The following CMTM7 variants were observed in gnomAD, a reference collection of about 807,000 sequenced individuals.
CMTM7 encodes CKLF-like MARVEL transmembrane domain-containing protein 7.
In CMTM7, 7 loss-of-function variants were observed where a neutral mutation model predicts 19.3. The ratio of observed to expected loss-of-function variants is 0.36; its 90% CI spans 0.21 to 0.68. The LOEUF is 0.68. Among genes scored for constraint, CMTM7 ranks in the 30% least tolerant of loss-of-function variants. The pLI is 0.60. For synonymous variants in CMTM7, 87 were observed against 99.3 expected (o/e 0.88, Z 0.74); for missense variants, 193 against 232.6 (o/e 0.83, Z 1.11).
intron 1 of CMTM7, among the ~76,000 whole-genome samples, chr3:32,415,234 C>T (rs372456342): frequency 8.0e-4 from 122 of 152,118 alleles, no homozygotes; most frequent in African/African-American, 2.6e-3. Flanking sequence ...GGCTGAGGGG[C>T]CCAGGGACCT....
intron 1 of CMTM7, among the ~76,000 whole-genome samples, chr3:32,424,044 A>G (rs1696385732): frequency 6.6e-6 from 1 of 152,208 alleles, no homozygotes; most frequent in African/African-American, 2.4e-5. Context: ...ACTTATTCTT[A>G]CAAATTCTGC....
intron 1 of CMTM7, among the ~76,000 whole-genome samples, chr3:32,437,873 G>A (rs780512825): frequency 3.0e-4 from 45 of 152,108 alleles, no homozygotes; most frequent in Non-Finnish European, 5.7e-4. Context: ...CCTAGCGACA[G>A]AGTGAGACTC....
intron 1 of CMTM7, among the ~76,000 whole-genome samples, chr3:32,425,278 CT>C (rs1696413474): frequency 6.6e-6 from 1 of 152,082 alleles, no homozygotes; most frequent in African/African-American, 2.4e-5. Flanking sequence ...ATAAAAAAAG[CT>C]TATGTCTCAG....
chr3:32,395,325 A>ATT (rs139737905), intron 1 of CMTM7, among the ~76,000 whole-genome samples: 2 of 150,672 alleles, frequency 1.3e-5, no homozygotes, highest in South Asian at 4.2e-4. Flanking sequence ...TTTAATAGCT[A>ATT]TTTTTTTTTA....
chr3:32,441,828 T>C lies in CMTM7; in HGVS notation c.160-12T>C. The C allele has an allele frequency of 6.2e-7, 1 of 1,613,304 alleles. No individual in the cohort carries two copies. Among genetic ancestry groups the C allele is most frequent in the Non-Finnish European group, 8.5e-7 (1 of 1,179,486 alleles). On this transcript the variant is annotated splice_polypyrimidine_tract_variant and intron_variant, in intron 1 of 4. Transcript: ENST00000334983. Reference sequence around the variant, plus strand: ...GGCAAGCATTTCTCTGATGTCTCTATTTATGTGGCAGGTCACCCTGCTGAT... The same window carrying C: ...GGCAAGCATTTCTCTGATGTCTCTACTTATGTGGCAGGTCACCCTGCTGAT...
intron 1 of CMTM7, among the ~76,000 whole-genome samples, chr3:32,427,801 C>G (rs1466508324): frequency 6.6e-6 from 1 of 152,158 alleles, no homozygotes; most frequent in African/African-American, 2.4e-5. Context: ...TAGAAGCAGA[C>G]GTTGGAAAGG....
At chr3:32,435,630 C>T (rs979150113) in intron 1 of CMTM7, among the ~76,000 whole-genome samples, 4 of 152,038 alleles carry the variant, frequency 2.6e-5, no homozygotes, top group African/African-American at 7.2e-5. Context: ...GCTGGCATCT[C>T]GTAGGTAAAG....
intron 1 of CMTM7, among the ~76,000 whole-genome samples, chr3:32,412,480 G>GACACACACAC (rs3081435): frequency 6.3e-4 from 76 of 120,456 alleles, no homozygotes; most frequent in Middle Eastern, 4.3e-3. Context: ...GATTGAGACT[G>GACACACACAC]ACACACACAC....
intron 2 of CMTM7, among the ~76,000 whole-genome samples, chr3:32,443,186 C>T (rs1424495822): frequency 2.6e-5 from 4 of 152,134 alleles, no homozygotes; most frequent in East Asian, 3.8e-4. Flanking sequence ...GCAGCCTCAA[C>T]CTCCCAGGCT....
At chr3:32,417,356 T>C (rs1346256048) in intron 1 of CMTM7, among the ~76,000 whole-genome samples, 1 of 152,222 alleles carries the variant, frequency 6.6e-6, no homozygotes, top group African/African-American at 2.4e-5. Context: ...CTTCTTTCAC[T>C]TAGGAAAAGG....
intron 4 of CMTM7, among the ~76,000 whole-genome samples, chr3:32,452,863 A>G (rs1269432184): frequency 4.2e-5 from 6 of 141,414 alleles, no homozygotes; most frequent in Non-Finnish European, 7.6e-5. Context: ...TGATCCTCCA[A>G]CCTCAGCCTC....
intron 1 of CMTM7, among the ~76,000 whole-genome samples, chr3:32,392,425 A>C (rs923131812): frequency 1.3e-5 from 2 of 152,244 alleles, no homozygotes; most frequent in Non-Finnish European, 2.9e-5. Context: ...CGCCGCTTCG[A>C]ACCCGAGCCG....
chr3:32,436,029 C>T (rs1696592106), intron 1 of CMTM7, among the ~76,000 whole-genome samples: 1 of 152,204 alleles, frequency 6.6e-6, no homozygotes, highest in Admixed American at 6.5e-5. Flanking sequence ...CGGTATGCTG[C>T]AAACAGGTGA....
At chr3:32,436,046 T>C (rs1450145141) in intron 1 of CMTM7, among the ~76,000 whole-genome samples, 2 of 152,262 alleles carry the variant, frequency 1.3e-5, no homozygotes, top group African/African-American at 4.8e-5. Context: ...GTGACTCTGC[T>C]GTGCAGTTAC....
intron 1 of CMTM7, among the ~76,000 whole-genome samples, chr3:32,425,488 T>C (rs982321340): frequency 4.2e-5 from 3 of 70,922 alleles, no homozygotes; most frequent in Middle Eastern, 6.0e-3. Flanking sequence ...ATCTTGACTT[T>C]CCAGGAAAAA....
At chr3:32,452,060 G>A in intron 3 of CMTM7, 1 of 1,357,984 alleles carries the variant, frequency 7.4e-7, no homozygotes. Flanking sequence ...TTCTCTTTTG[G>A]TCCAGGATAA....
At chr3:32,427,367 A>G (rs1478394362) in intron 1 of CMTM7, among the ~76,000 whole-genome samples, 1 of 151,792 alleles carries the variant, frequency 6.6e-6, no homozygotes, top group Non-Finnish European at 1.5e-5. Flanking sequence ...ATCTGAAGGA[A>G]GTTTCTTCTC....
intron 1 of CMTM7, among the ~76,000 whole-genome samples, chr3:32,413,413 C>T (rs4955289): frequency 0.19 from 29,237 of 152,094 alleles, 3,197 homozygotes; most frequent in Middle Eastern, 0.3. Context: ...AATGAATTAG[C>T]TGATTCATTG....
rs1559417376 is a variant in CMTM7 at position 32,454,918 on chromosome 3, G to A, written c.*664G>A. The stretch of plus-strand genomic sequence containing the variant: ...ACAGTTTCCATTCGAGCTTGTGTCT[G>A]GCCCATGGCCCTCCACCCGTGCTCT... On this transcript the variant is annotated 3_prime_UTR_variant, in exon 5 of 5. Transcript: ENST00000334983. 1 of 187,838 alleles carries A rather than the reference G, an allele frequency of 5.3e-6. No homozygotes were observed. The highest frequency in any genetic ancestry group is 1.1e-5 in the Non-Finnish European group (1 of 88,338). The allele number at this position is 187,838 out of a possible 1,614,324, so 11.6% of individuals were successfully genotyped here. A position where few individuals can be genotyped will look rare whatever the true frequency, so the allele number is the denominator to read the frequency against.
Sources: allele counts gnomAD v4.1 joint callset (sites outside exome capture counted in the v4.1 genomes callset), GRCh38; gene constraint gnomAD v4.1.1; transcripts MANE v1.5; gene names NCBI Gene and HGNC (gene_info 2026-07-23, HGNC 2026-07-21).